The following PLD5 variants were observed in gnomAD, a reference collection of about 807,000 sequenced individuals.
PLD5 encodes the protein phospholipase D family member 5, also known as inactive phospholipase D5.
Under a neutral mutation model 61.1 loss-of-function variants are expected in PLD5, and 36 were observed. That is an observed-to-expected ratio of 0.59 (90% CI 0.45 to 0.78). The LOEUF is 0.78. Ranked by LOEUF, PLD5 falls within the 30% of genes least tolerant of loss-of-function variation. The probability of loss-of-function intolerance (pLI) is 0.00; values close to 1 mark genes in which losing one functional copy is unlikely to be tolerated. For missense variants in PLD5, 515 were observed against 644.4 expected (o/e 0.80, Z 2.17); for synonymous variants, 243 against 242.8 (o/e 1.00, Z -0.01).
chr1:242,207,963 T>TA lies in PLD5; in HGVS notation c.735+12024_735+12025insT, dbSNP rs1669537183. 2.0e-4 allele frequency among the ~76,000 whole-genome samples: 6 copies of TA among 29,686 alleles called. No individual in the cohort carries two copies. In the East Asian group the frequency reaches 4.2e-3, roughly 21 times the overall value. 19.5% of individuals were successfully genotyped at this position (29,686 alleles called of 152,430 possible). On this transcript the variant is annotated intron_variant, in intron 5 of 9. Transcript: ENST00000536534. ...ATTTATATATATTTATTTATATATA[T>TA]TTATATATATTTTTATATATATATT...
chr1:242,149,041 A>AGTACAATTTGCAATAGGATTAGT (rs1664740971), intron 5 of PLD5, among the ~76,000 whole-genome samples: 1 of 150,596 alleles, frequency 6.6e-6, no homozygotes, highest in Non-Finnish European at 1.5e-5. Context: ...TATGACTTCC[A>AGTACAATTTGCAATAGGATTAGT]GTACAATGTG....
intron 1 of PLD5, among the ~76,000 whole-genome samples, chr1:242,392,217 G>A (rs1662974024): frequency 6.6e-6 from 1 of 152,092 alleles, no homozygotes; most frequent in South Asian, 2.1e-4. Context: ...GGGTACATAT[G>A]GATATAAAGA....
chr1:242,323,287 A>C (rs947966788), intron 2 of PLD5, among the ~76,000 whole-genome samples: 4 of 152,188 alleles, frequency 2.6e-5, no homozygotes, highest in African/African-American at 9.6e-5. Context: ...TATAAAAGTC[A>C]CATGTGTGGC....
At chr1:242,225,442 T>C (rs35493270) in intron 4 of PLD5, among the ~76,000 whole-genome samples, 12,251 of 150,782 alleles carry the variant, frequency 0.081, 558 homozygotes, top group East Asian at 0.15. Context: ...TTCCCTTTGC[T>C]GTTGAGTGAT....
At chr1:242,473,562 G>T (rs1227072431) in intron 1 of PLD5, among the ~76,000 whole-genome samples, 1 of 152,154 alleles carries the variant, frequency 6.6e-6, no homozygotes, top group Non-Finnish European at 1.5e-5. Context: ...CTATAACATG[G>T]CATGAGGCCT....
At chr1:242,389,086 G>A (rs1245718139) in intron 1 of PLD5, among the ~76,000 whole-genome samples, 1 of 151,774 alleles carries the variant, frequency 6.6e-6, no homozygotes, top group African/African-American at 2.4e-5. Flanking sequence ...AGAAACTAGG[G>A]TATTAAATGA....
intron 1 of PLD5, among the ~76,000 whole-genome samples, chr1:242,504,889 C>T (rs1668671523): frequency 6.6e-6 from 1 of 152,168 alleles, no homozygotes. Flanking sequence ...AGTGCAGTGG[C>T]TCACACCTGC....
intron 1 of PLD5, among the ~76,000 whole-genome samples, chr1:242,509,508 C>A (rs553302746): frequency 6.6e-6 from 1 of 152,220 alleles, no homozygotes; most frequent in Non-Finnish European, 1.5e-5. Context: ...CTGTTCCATG[C>A]GGCCCCTGCC....
chr1:242,248,758 A>C (rs12726773), intron 4 of PLD5, among the ~76,000 whole-genome samples: 24,588 of 151,932 alleles, frequency 0.16, 2,102 homozygotes, highest in South Asian at 0.25. Flanking sequence ...GAGGAACCAT[A>C]ATTTATCAGT....
chr1:242,205,189 T>G (rs1048459626), intron 5 of PLD5, among the ~76,000 whole-genome samples: 2 of 152,134 alleles, frequency 1.3e-5, no homozygotes, highest in Non-Finnish European at 2.9e-5. Flanking sequence ...CAGAAGTAAA[T>G]AAGTTTCACT....
chr1:242,421,808 T>C (rs1414209624), intron 1 of PLD5, among the ~76,000 whole-genome samples: 1 of 152,160 alleles, frequency 6.6e-6, no homozygotes, highest in African/African-American at 2.4e-5. Flanking sequence ...TTTAAATATA[T>C]TAAAGGAGCT....
At chr1:242,529,538 A>G (rs1226554930), upstream of PLD5, among the ~76,000 whole-genome samples, 3 of 152,158 alleles carry the variant, frequency 2.0e-5, no homozygotes, top group Admixed American at 6.5e-5. Context: ...GGGCAACACT[A>G]TGGCAGAAAC....
chr1:242,219,903 A>C, intron 5 of PLD5, 85 bp downstream of exon 5: 5 of 1,499,606 alleles, frequency 3.3e-6, no homozygotes, highest in Non-Finnish European at 4.5e-6. Flanking sequence ...AGGTTTTAGG[A>C]TCCTTATCTG....
At chr1:242,213,048 A>G (rs532535212) in intron 5 of PLD5, among the ~76,000 whole-genome samples, 2 of 152,214 alleles carry the variant, frequency 1.3e-5, no homozygotes, top group Non-Finnish European at 2.9e-5. Flanking sequence ...AGACTTTTGC[A>G]TGACTTACAT....
At chr1:242,452,721 T>C (rs1419546402) in intron 1 of PLD5, among the ~76,000 whole-genome samples, 1 of 152,126 alleles carries the variant, frequency 6.6e-6, no homozygotes, top group East Asian at 1.9e-4. Context: ...GAGGCTGAGA[T>C]GGGCAGATGG....
chr1:242,288,293 G>A (rs1200423881), intron 3 of PLD5, 69 bp downstream of exon 3: 2 of 1,576,202 alleles, frequency 1.3e-6, no homozygotes, highest in African/African-American at 1.4e-5. Flanking sequence ...AGGAGTGGAG[G>A]AGCAGAATAC....
intron 1 of PLD5, among the ~76,000 whole-genome samples, chr1:242,458,807 G>A (rs1449009161): frequency 6.6e-6 from 1 of 152,156 alleles, no homozygotes; most frequent in Non-Finnish European, 1.5e-5. Flanking sequence ...CAGAGCCAGA[G>A]ACGGTATTTG....
At chr1:242,297,770 G>A (rs1336443631) in intron 2 of PLD5, among the ~76,000 whole-genome samples, 1 of 150,796 alleles carries the variant, frequency 6.6e-6, no homozygotes, top group Admixed American at 6.6e-5. Context: ...CTCCCGAGTA[G>A]CTGGGACTAC....
chr1:242,505,294 G>A (rs1271120825), intron 1 of PLD5, among the ~76,000 whole-genome samples: 3 of 152,180 alleles, frequency 2.0e-5, no homozygotes, highest in Non-Finnish European at 4.4e-5. Context: ...ACAGCAATGA[G>A]GAAATGGGTT....
Sources: allele counts gnomAD v4.1 joint callset (sites outside exome capture counted in the v4.1 genomes callset), GRCh38; gene constraint gnomAD v4.1.1; transcripts MANE v1.5; gene names NCBI Gene and HGNC (gene_info 2026-07-23, HGNC 2026-07-21).